ATP2B4: variants seen among roughly 807,000 people sequenced by gnomAD.
ATP2B4 encodes plasma membrane calcium-transporting ATPase 4.
Under a neutral mutation model 110.3 loss-of-function variants are expected in ATP2B4, and 39 were observed. That is an observed-to-expected ratio of 0.35 (90% CI 0.27 to 0.46). ATP2B4 has a LOEUF of 0.46. ATP2B4 is among the 20% of genes least tolerant of loss of function. The pLI is 1.00. For missense variants in ATP2B4, 1,135 were observed against 1,530.9 expected (o/e 0.74, Z 4.32); for synonymous variants, 538 against 571.7 (o/e 0.94, Z 0.84).
At chr1:203,699,329 G>A in intron 3 of ATP2B4, 131 bp from the exon 4 acceptor site, 1 of 1,250,878 alleles carries the variant, frequency 8.0e-7, no homozygotes, top group South Asian at 1.5e-5. Flanking sequence ...TCCTCTTCCA[G>A]CCAACAGTTG....
In ATP2B4 at chr1:203,701,979, C is replaced by T. The variant is rs564494299; in HGVS notation, c.902-65C>T. The T allele has an allele frequency of 4.4e-4, 698 of 1,588,356 alleles. 4 individuals carry two copies. The highest frequency in any genetic ancestry group is 3.2e-4 in the Non-Finnish European group (371 of 1,158,536). ...CCTTCTGGGCTCTGAGCAGGACCAACAAATTGGATCTCTTAATAGTTACTT... is the reference window on the plus strand; with the variant it reads ...CCTTCTGGGCTCTGAGCAGGACCAATAAATTGGATCTCTTAATAGTTACTT... On this transcript the variant is annotated intron_variant, in intron 6 of 20. Coordinates refer to ENST00000357681, the MANE Select transcript of ATP2B4 (RefSeq NM_001684.5).
intron 1 of ATP2B4, among the ~76,000 whole-genome samples, chr1:203,653,466 C>T (rs1264518148): frequency 6.6e-6 from 1 of 152,184 alleles, no homozygotes; most frequent in East Asian, 1.9e-4. Context: ...AAACAGTCTT[C>T]TCTTGGAAAA....
At chr1:203,705,136 G>A (rs891935513) in intron 8 of ATP2B4, among the ~76,000 whole-genome samples, 6 of 152,238 alleles carry the variant, frequency 3.9e-5, no homozygotes, top group Non-Finnish European at 8.8e-5. Flanking sequence ...CGAGCCACAT[G>A]TGCTAGTAGT....
intron 7 of ATP2B4, 66 bp downstream of exon 7, chr1:203,702,145 CA>C: frequency 6.4e-7 from 1 of 1,570,130 alleles, no homozygotes; most frequent in Non-Finnish European, 8.8e-7. Context: ...CTTTCCAGGC[CA>C]TCTTCCTTCT....
chr1:203,627,324 T>G (rs1007089524), intron 1 of ATP2B4, 105 bp downstream of exon 1: 1 of 152,266 alleles, frequency 6.6e-6, no homozygotes, highest in African/African-American at 2.4e-5. Flanking sequence ...CTAGAATATT[T>G]CATGCGACTG....
chr1:203,694,147 T>C (rs1342271659), intron 2 of ATP2B4, among the ~76,000 whole-genome samples: 1 of 152,224 alleles, frequency 6.6e-6, no homozygotes, highest in Non-Finnish European at 1.5e-5. Flanking sequence ...ATCTGGCACA[T>C]AGTAATCACT....
rs1021381481 is a variant in ATP2B4 at position 203,711,873 on chromosome 1, T to A, written c.2032-87T>A. 2.7e-6 allele frequency: 4 copies of A among 1,481,994 alleles called. No individual in the cohort carries two copies. In the African/African-American group the frequency reaches 5.6e-5, roughly 21 times the overall value. 91.8% of individuals were successfully genotyped at this position (1,481,994 alleles called of 1,614,324 possible). A position where few individuals can be genotyped will look rare whatever the true frequency, so the allele number is the denominator to read the frequency against. On this transcript the variant is annotated intron_variant, in intron 12 of 20. Transcript: ENST00000357681. ...CCACTTCTAGGGTGCCTTTCTCCTG[T>A]CTGCCACAAAGGGACAGACAAACAG... is the stretch of plus-strand genomic sequence containing the variant.
At chr1:203,687,260 AAAAGAAAGAAAAG>A (rs1389974160) in intron 2 of ATP2B4, among the ~76,000 whole-genome samples, 2 of 6,862 alleles carry the variant, frequency 2.9e-4, no homozygotes, top group East Asian at 0.062. Flanking sequence ...ATAAGAAAGA[AAAAGAAAGAAAAG>A]AAAGAAAAGA....
chr1:203,631,039 CT>C (rs1030614193), intron 1 of ATP2B4, among the ~76,000 whole-genome samples: 2 of 152,214 alleles, frequency 1.3e-5, no homozygotes, highest in African/African-American at 4.8e-5. Context: ...ATGACAGGGA[CT>C]TTCTATTTCT....
intron 15 of ATP2B4, 121 bp downstream of exon 15, chr1:203,714,398 A>G: frequency 1.1e-6 from 1 of 926,036 alleles, no homozygotes; most frequent in Non-Finnish European, 1.7e-6. Flanking sequence ...TTTTTTGTCC[A>G]ACTCCATCTC....
chr1:203,680,751 G>T (rs2102358565), intron 1 of ATP2B4, among the ~76,000 whole-genome samples: 1 of 152,266 alleles, frequency 6.6e-6, no homozygotes, highest in Admixed American at 6.5e-5. Flanking sequence ...AGGGTGGTGC[G>T]AAAAGACAGG....
At chr1:203,700,697 G>A (rs1665664744) in intron 5 of ATP2B4, 101 bp from the exon 6 acceptor site, 5 of 1,476,110 alleles carry the variant, frequency 3.4e-6, no homozygotes, top group African/African-American at 1.4e-5. Flanking sequence ...TTATCCATGG[G>A]GTAGGGAGGA....
At chr1:203,703,276 A>G (rs994013707) in intron 7 of ATP2B4, among the ~76,000 whole-genome samples, 2 of 152,156 alleles carry the variant, frequency 1.3e-5, no homozygotes, top group African/African-American at 4.8e-5. Context: ...TGCAGTAAAG[A>G]TTCACTATTT....
rs113572346 is a variant in ATP2B4 at position 203,633,880 on chromosome 1, G to A, written c.-465+6661G>A. Among the ~76,000 whole-genome samples the A allele has an allele frequency of 2.6e-3, 392 of 151,972 alleles. 3 individuals are homozygous for A. Among genetic ancestry groups the A allele is most frequent in the African/African-American group, 8.8e-3 (366 of 41,450 alleles). On this transcript the variant is annotated intron_variant, in intron 1 of 20. Transcript: ENST00000357681. Reference sequence around the variant, plus strand: ...AGCCTGACCAATATGGAGAAACCCCGTCTCTACTAAAAATACAAAATTAGC... The same window carrying A: ...AGCCTGACCAATATGGAGAAACCCCATCTCTACTAAAAATACAAAATTAGC...
intron 1 of ATP2B4, among the ~76,000 whole-genome samples, chr1:203,671,920 A>G (rs1354826860): frequency 1.3e-5 from 2 of 152,132 alleles, no homozygotes; most frequent in Non-Finnish European, 2.9e-5. Context: ...CCTGGGTGGC[A>G]CTGCTACCCA....
chr1:203,739,932 CTT>C lies in ATP2B4; in HGVS notation c.*81_*82del, dbSNP rs1275147641. ...TCCCATCTATGAGGTGATGATGGGACTTTTCATTGTCACGTCAGCTGCTGTGT... is the reference window on the plus strand; with the variant it reads ...TCCCATCTATGAGGTGATGATGGGACTTCATTGTCACGTCAGCTGCTGTGT... On this transcript the variant is annotated 3_prime_UTR_variant, in exon 21 of 21. Coordinates refer to ENST00000357681, the MANE Select transcript of ATP2B4 (RefSeq NM_001684.5). 27 of 1,451,352 alleles carry C rather than the reference CTT, an allele frequency of 1.9e-5. No individual in the cohort carries two copies. The East Asian group carries it at 4.2e-4, about 22-fold the overall frequency. The allele number at this position is 1,451,352 out of a possible 1,614,324, so 89.9% of individuals were successfully genotyped here. A position where few individuals can be genotyped will look rare whatever the true frequency, so the allele number is the denominator to read the frequency against.
At chr1:203,649,674 G>A (rs58249426) in intron 1 of ATP2B4, among the ~76,000 whole-genome samples, 1 of 152,098 alleles carries the variant, frequency 6.6e-6, no homozygotes, top group Non-Finnish European at 1.5e-5. Flanking sequence ...CATACCTGTA[G>A]TCCCAGCTAC....
intron 20 of ATP2B4, among the ~76,000 whole-genome samples, chr1:203,737,042 GT>G (rs1255168713): frequency 6.6e-6 from 1 of 152,134 alleles, no homozygotes; most frequent in East Asian, 1.9e-4. Flanking sequence ...CTGGATGACT[GT>G]TTCTTGCTCC....
At chr1:203,724,200 C>CT (rs1291499534) in intron 19 of ATP2B4, among the ~76,000 whole-genome samples, 1 of 152,138 alleles carries the variant, frequency 6.6e-6, no homozygotes, top group Non-Finnish European at 1.5e-5. Flanking sequence ...GAATTCTTCT[C>CT]TAACTAAGCC....
Sources: gnomAD v4.1 joint callset for allele counts (sites outside exome capture counted in the v4.1 genomes callset) on GRCh38, gnomAD v4.1.1 for gene constraint, MANE v1.5 for transcripts, NCBI Gene and HGNC (gene_info 2026-07-23, HGNC 2026-07-21) for gene names.